Variants in KIF1A observed in about 807,000 individuals in gnomAD.
KIF1A encodes kinesin-like protein KIF1A.
KIF1A carries 46 observed loss-of-function variants against 227.3 expected under a neutral mutation model. The observed-to-expected ratio is 0.20, with a 90% CI of 0.16 to 0.26. The LOEUF (loss-of-function observed/expected upper bound fraction) is 0.26. Among genes scored for constraint, KIF1A ranks in the 10% least tolerant of loss-of-function variants. KIF1A has a pLI of 1.00. For missense variants in KIF1A, 1,683 were observed against 2,485.9 expected (o/e 0.68, Z 6.87); for synonymous variants, 1,022 against 1,012.8 (o/e 1.01, Z -0.17).
At position 240,817,847 on chromosome 2, in the gene KIF1A, T is replaced by C. The variant is rs372285714; in HGVS notation, c.-61+2275A>G. Among the ~76,000 whole-genome samples, 90 of 152,300 alleles carry C rather than the reference T, an allele frequency of 5.9e-4. 1 individual carries two copies. In the East Asian group the frequency reaches 0.017, roughly 29 times the overall value. On this transcript the variant is annotated intron_variant, in intron 1 of 48. Coordinates refer to ENST00000498729, the MANE Select transcript of KIF1A (RefSeq NM_001244008.2). ...CCTACCCTACTCCCAAAGGGCATGG[T>C]GGGCCCAAGGTCAGCAGTCATGACA...
intron 17 of KIF1A, among the ~76,000 whole-genome samples, chr2:240,768,554 TCATGCCCCACCTGGGCTGCTGTGC>T (rs1362938824): frequency 1.3e-5 from 2 of 152,198 alleles, no homozygotes; most frequent in Middle Eastern, 3.4e-3. Context: ...AGTGTGTGTG[TCATGCCCCACCTGGGCTGCTGTGC>T]CATGCCCCAC....
At position 240,766,472 on chromosome 2, in the gene KIF1A, T is replaced by C. The variant is rs1269569363; in HGVS notation, c.1684+443A>G. On this transcript the variant is annotated intron_variant, in intron 19 of 48. Transcript: ENST00000498729. This position sits in a 1 kb window ranked among gnomAD's most constrained non-coding sequence, Gnocchi z 5.0. ...CAGGAAACCAAGGTCTGGAAATAGT[T>C]TTCCACCCTAGATCTGGGCTCAATC... 2.6e-5 allele frequency among the ~76,000 whole-genome samples: 4 copies of C among 152,040 alleles called. No individual in the cohort carries two copies. The highest frequency in any genetic ancestry group is 5.9e-5 in the Non-Finnish European group (4 of 68,010).
In KIF1A at chr2:240,716,070, T is replaced by G. The variant is rs1338540739; in HGVS notation, c.*1294A>C. 6.6e-6 allele frequency: 1 copy of G among 152,220 alleles called. No individual in the cohort carries two copies. The highest frequency in any genetic ancestry group is 6.6e-5 in the Admixed American group (1 of 15,266). 9.4% of individuals were successfully genotyped at this position (152,220 alleles called of 1,614,324 possible). A position where few individuals can be genotyped will look rare whatever the true frequency, so the allele number is the denominator to read the frequency against. On this transcript the variant is annotated 3_prime_UTR_variant, in exon 49 of 49. Coordinates refer to ENST00000498729, the MANE Select transcript of KIF1A (RefSeq NM_001244008.2). ...GTCCTGGGTGGCCCTCGGACATTGG[T>G]GTCTGCAGAGGGGGTGAAATGGGAC...
rs1559503491 is a variant in KIF1A at position 240,757,361 on chromosome 2, T to G, written c.2816A>C (p.Asp939Ala). The change falls in exon 27 of 49, where the codon GAC becomes GCC. Residue 939 changes from aspartate to alanine, a missense_variant. Physicochemically the swap from Asp to Ala is moderately radical, Grantham distance 126. Coordinates refer to ENST00000498729, the MANE Select transcript of KIF1A (RefSeq NM_001244008.2). The surrounding 1 kb of genome is among the most constrained non-coding windows in gnomAD (Gnocchi z 6.2). ...FPEHALCDGR[D>A]PFYDRPPLFS... ...CAGGGGGGGCCGGTCGTAAAACGGG[T>G]CCCGGCCGTCGCACAGCGCGTGCTC... 2 of 1,550,496 alleles carry G rather than the reference T, an allele frequency of 1.3e-6. No homozygotes were observed. Among genetic ancestry groups the G allele is most frequent in the Non-Finnish European group, 1.7e-6 (2 of 1,147,040 alleles).
chr2:240,786,074 C>T (rs943828976), intron 6 of KIF1A, among the ~76,000 whole-genome samples: 1 of 152,306 alleles, frequency 6.6e-6, no homozygotes, highest in Admixed American at 6.5e-5. Flanking sequence ...TGCCAGCACC[C>T]CCCGGGCACC....
chr2:240,807,222 C>T (rs866406750), intron 1 of KIF1A, among the ~76,000 whole-genome samples: 6 of 151,672 alleles, frequency 4.0e-5, no homozygotes, highest in Admixed American at 2.6e-4. Flanking sequence ...CTCAGCTCAC[C>T]GCAACCTCTG....
chr2:240,773,325 T>C (rs2125969844), intron 12 of KIF1A, 69 bp from the exon 13 acceptor site: 2 of 1,587,128 alleles, frequency 1.3e-6, no homozygotes, highest in Non-Finnish European at 1.7e-6. Flanking sequence ...CAAGGGTGCC[T>C]AGAGCCCTGC....
intron 44 of KIF1A, among the ~76,000 whole-genome samples, 181 bp from the exon 45 acceptor site, chr2:240,721,219 G>A (rs2045338528): frequency 6.6e-6 from 1 of 152,126 alleles, no homozygotes; most frequent in Non-Finnish European, 1.5e-5. Flanking sequence ...CAGCCCCTGT[G>A]GCCCCTGGCC....
At chr2:240,718,598 A>C (rs1027769661) in intron 47 of KIF1A, among the ~76,000 whole-genome samples, 1 of 152,212 alleles carries the variant, frequency 6.6e-6, no homozygotes. Flanking sequence ...GAACTTGTCC[A>C]GGGCCATTCC....
At chr2:240,798,682 C>T (rs1258098211) in intron 1 of KIF1A, among the ~76,000 whole-genome samples, 1 of 152,230 alleles carries the variant, frequency 6.6e-6, no homozygotes, top group Non-Finnish European at 1.5e-5. Context: ...GAAGCAGCCA[C>T]TGTGAAAGGT....
chr2:240,797,120 A>G (rs2056488862), intron 2 of KIF1A, among the ~76,000 whole-genome samples: 2 of 152,246 alleles, frequency 1.3e-5, no homozygotes, highest in African/African-American at 4.8e-5. Context: ...CCAGCCAGCC[A>G]CAGAACTGAG....
At chr2:240,747,707 G>T (rs554312743) in intron 28 of KIF1A, among the ~76,000 whole-genome samples, 1 of 152,250 alleles carries the variant, frequency 6.6e-6, no homozygotes, top group Admixed American at 6.5e-5. Flanking sequence ...ATCACAAAGT[G>T]CCTCTGCCAC....
At chr2:240,769,477 G>A in intron 16 of KIF1A, 150 bp downstream of exon 16, 1 of 676,626 alleles carries the variant, frequency 1.5e-6, no homozygotes, top group Non-Finnish European at 2.5e-6. Context: ...CATTGGCGAT[G>A]AGGGAACAGG....
intron 9 of KIF1A, 144 bp from the exon 10 acceptor site, chr2:240,782,751 C>G: frequency 1.1e-6 from 1 of 892,552 alleles, no homozygotes; most frequent in East Asian, 2.6e-5. Flanking sequence ...CAGCAGCTCC[C>G]CCAGGCAGGG....
chr2:240,729,076 T>C (rs545274299), intron 38 of KIF1A, among the ~76,000 whole-genome samples: 7 of 152,192 alleles, frequency 4.6e-5, no homozygotes, highest in Admixed American at 6.5e-5. Flanking sequence ...GTCTGGTACA[T>C]GTCATCATCA....
chr2:240,788,235 A>G lies in KIF1A; in HGVS notation c.184-5T>C. 6.2e-7 allele frequency: 1 copy of G among 1,613,244 alleles called. No homozygotes were observed. The highest frequency in any genetic ancestry group is 1.3e-5 in the African/African-American group (1 of 75,018). On this transcript the variant is annotated splice_polypyrimidine_tract_variant and splice_region_variant and intron_variant, in intron 3 of 48. Transcript: ENST00000498729. This position sits in a 1 kb window ranked among gnomAD's most constrained non-coding sequence, Gnocchi z 6.6. Reference sequence around the variant, plus strand: ...CGCGTAGTTGATGTCCTCAGGCTGGAGGACGAGGAAGGAATGAAGTTGCAG... The same window carrying G: ...CGCGTAGTTGATGTCCTCAGGCTGGGGGACGAGGAAGGAATGAAGTTGCAG...
chr2:240,783,176 T>G, intron 8 of KIF1A, 67 bp from the exon 9 acceptor site: 1 of 1,229,884 alleles, frequency 8.1e-7, no homozygotes, highest in African/African-American at 1.5e-5. Flanking sequence ...TCTGGAGGGA[T>G]GCCCTGGGTG....
At chr2:240,817,492 C>G (rs987665290) in intron 1 of KIF1A, among the ~76,000 whole-genome samples, 8 of 152,244 alleles carry the variant, frequency 5.3e-5, no homozygotes, top group African/African-American at 1.9e-4. Flanking sequence ...AGGCCCACCA[C>G]TCTCCACCCG....
At chr2:240,746,806 C>T (rs1238803815) in intron 29 of KIF1A, among the ~76,000 whole-genome samples, 3 of 152,208 alleles carry the variant, frequency 2.0e-5, no homozygotes, top group Admixed American at 6.5e-5. Flanking sequence ...ACATGAGGAC[C>T]GCAGGTAGGC....
Sources: allele counts gnomAD v4.1 joint callset (sites outside exome capture counted in the v4.1 genomes callset), GRCh38; gene constraint gnomAD v4.1.1; non-coding constraint Gnocchi (gnomAD v3.1); transcripts MANE v1.5; gene names NCBI Gene and HGNC (gene_info 2026-07-23, HGNC 2026-07-21).